The following HK1 variants were observed in gnomAD, a reference collection of about 807,000 sequenced individuals.
The protein encoded by HK1 is hexokinase 1, also known as hexokinase-1.
In HK1, 28 loss-of-function variants were observed where a neutral mutation model predicts 91.6. The observed-to-expected ratio is 0.31, with a 90% CI of 0.23 to 0.42. The LOEUF (loss-of-function observed/expected upper bound fraction) is 0.42, where lower values mean the gene tolerates loss of function less well. Ranked by LOEUF, HK1 falls within the 10% of genes least tolerant of loss-of-function variation. The pLI is 1.00. For missense variants in HK1, 770 were observed against 1,219.8 expected (o/e 0.63, Z 5.49); for synonymous variants, 430 against 468.1 (o/e 0.92, Z 1.05).
intron 2 of HK1, among the ~76,000 whole-genome samples, chr10:69,344,254 C>T (rs566348226): frequency 6.6e-6 from 1 of 152,310 alleles, no homozygotes; most frequent in South Asian, 2.1e-4. Flanking sequence ...GGCTGACCTG[C>T]TGTCATTGAC....
intron 7 of HK1, among the ~76,000 whole-genome samples, chr10:69,374,879 G>C (rs934986477): frequency 5.9e-5 from 9 of 152,222 alleles, no homozygotes; most frequent in Non-Finnish European, 1.2e-4. Context: ...TGCCCAACAG[G>C]GAAGGCTGCC....
In HK1 at chr10:69,318,932, G is replaced by C; in HGVS notation, c.-16G>C. 6.3e-7 allele frequency: 1 copy of C among 1,581,436 alleles called. No individual in the cohort carries two copies. The highest frequency in any genetic ancestry group is 1.1e-5 in the South Asian group (1 of 87,030). On this transcript the variant is annotated 5_prime_UTR_variant, in exon 1 of 18. Transcript: ENST00000359426. ...ACCGTCCCCACGCCTGCCGCCCCGCGACCCCGACCGCCAGCATGATCGCCG... is the reference window on the plus strand; with the variant it reads ...ACCGTCCCCACGCCTGCCGCCCCGCCACCCCGACCGCCAGCATGATCGCCG...
chr10:69,284,782 G>A (rs553250987), intron 2 of HK1, among the ~76,000 whole-genome samples: 62 of 152,206 alleles, frequency 4.1e-4, no homozygotes, highest in African/African-American at 1.4e-3. Flanking sequence ...GGGATTACAG[G>A]CACTCACCAC....
intron 1 of HK1, among the ~76,000 whole-genome samples, chr10:69,277,889 T>C (rs181838955): frequency 1.3e-5 from 2 of 151,986 alleles, no homozygotes; most frequent in Non-Finnish European, 2.9e-5. Flanking sequence ...AAAACTTAGC[T>C]GGGCGTGGTG....
chr10:69,362,439 T>TTG (rs1483897035), intron 3 of HK1, among the ~76,000 whole-genome samples: 3 of 138,460 alleles, frequency 2.2e-5, no homozygotes, highest in Non-Finnish European at 4.4e-5. Flanking sequence ...ATAATGTTTT[T>TTG]TTTTTTTTTT....
In HK1 at chr10:69,304,183, T is replaced by G. The variant is rs140883432; in HGVS notation, c.27+3322T>G. 1.2e-3 allele frequency among the ~76,000 whole-genome samples: 180 copies of G among 152,312 alleles called. 3 individuals are homozygous for G. The East Asian group carries it at 0.029, about 24-fold the overall frequency. The stretch of plus-strand genomic sequence containing the variant: ...CATAATTTCTAATCTTTTTGCTAAT[T>G]TGTTAGTCCTTCAAAGGCAGTCTGA... On this transcript the variant is annotated intron_variant, in intron 5 of 21. Coordinates refer to the HK1 transcript ENST00000360289.
chr10:69,274,628 G>T (rs1434799752), intron 1 of HK1, among the ~76,000 whole-genome samples: 1 of 151,046 alleles, frequency 6.6e-6, no homozygotes, highest in East Asian at 1.9e-4. Flanking sequence ...TTAGAGTCAT[G>T]CCTGTCTTGT....
At chr10:69,338,315 G>A (rs1848103330) in intron 1 of HK1, 3 of 1,183,414 alleles carry the variant, frequency 2.5e-6, no homozygotes, top group Admixed American at 3.6e-5. Flanking sequence ...TCAGGCAAGA[G>A]TCTGAGGGAC....
At chr10:69,307,108 C>T (rs1041591437) in intron 5 of HK1, among the ~76,000 whole-genome samples, 4 of 152,128 alleles carry the variant, frequency 2.6e-5, no homozygotes, top group Non-Finnish European at 5.9e-5. Flanking sequence ...ACTTGATTCT[C>T]ATAGGCAGCT....
intron 1 of HK1, among the ~76,000 whole-genome samples, chr10:69,337,453 T>C (rs1178175634): frequency 6.6e-6 from 1 of 152,232 alleles, no homozygotes; most frequent in Non-Finnish European, 1.5e-5. Flanking sequence ...ATCCACAAGC[T>C]CATTTCACTT....
At chr10:69,307,133 G>A (rs1445279510) in intron 5 of HK1, among the ~76,000 whole-genome samples, 2 of 152,108 alleles carry the variant, frequency 1.3e-5, no homozygotes, top group Admixed American at 6.5e-5. Flanking sequence ...ATATAATCAC[G>A]AACTTGGGAG....
At chr10:69,396,381 TA>T (rs1840140517) in intron 16 of HK1, among the ~76,000 whole-genome samples, 1 of 151,966 alleles carries the variant, frequency 6.6e-6, no homozygotes, top group Non-Finnish European at 1.5e-5. Context: ...TTTTTAAGTA[TA>T]CAGTTCGGTG....
intron 14 of HK1, among the ~76,000 whole-genome samples, chr10:69,390,283 G>A (rs549088598): frequency 3.4e-4 from 52 of 152,350 alleles, no homozygotes; most frequent in African/African-American, 1.2e-3. Context: ...TGCAAAGCTA[G>A]AGTGACACAG....
intron 1 of HK1, among the ~76,000 whole-genome samples, chr10:69,276,138 T>TATATATATATACACAC (rs753204633): frequency 1.3e-5 from 1 of 76,456 alleles, no homozygotes; most frequent in African/African-American, 4.1e-5. Flanking sequence ...TATATATATA[T>TATATATATATACACAC]ACACATATAT....
Position 69,392,300 on chromosome 10 carries a change from G to A in HK1, c.2211G>A (p.Gly737=). The change falls in exon 15 of 18, where the codon GGG becomes GGA. Residue 737 remains glycine (G), a synonymous_variant. Transcript: ENST00000359426. ...TGGACGAATATTCCCTAAATGCTGG[G>A]AAACAAAGGTAACCCCGCCTGGTGG... ...RLVDEYSLNA[G]KQRYEKMISG... 1 of 1,614,190 alleles carries A rather than the reference G, an allele frequency of 6.2e-7. No individual in the cohort carries two copies. Among genetic ancestry groups the A allele is most frequent in the Admixed American group, 1.7e-5 (1 of 60,030 alleles).
At chr10:69,277,998 A>T (rs1844553641) in intron 1 of HK1, among the ~76,000 whole-genome samples, 2 of 151,358 alleles carry the variant, frequency 1.3e-5, no homozygotes, top group South Asian at 4.2e-4. Context: ...GTGCCATTGC[A>T]CTCCAGCTTG....
intron 2 of HK1, 82 bp from the exon 3 acceptor site, chr10:69,359,815 C>A: frequency 7.4e-7 from 1 of 1,351,648 alleles, no homozygotes; most frequent in Non-Finnish European, 1.1e-6. Context: ...ACAGGGCCTA[C>A]GCCCTGCCAG....
At chr10:69,332,267 A>T (rs6480401) in intron 1 of HK1, among the ~76,000 whole-genome samples, 1 of 152,074 alleles carries the variant, frequency 6.6e-6, no homozygotes, top group Non-Finnish European at 1.5e-5. Context: ...TGTGTAAGCC[A>T]CAGTTTCCTC....
intron 1 of HK1, among the ~76,000 whole-genome samples, chr10:69,276,118 AATACATAT>A (rs1844448399): frequency 2.6e-5 from 1 of 38,262 alleles, no homozygotes; most frequent in Non-Finnish European, 5.1e-5. Context: ...AAAAAAAAAA[AATACATAT>A]ATATATATAT....
Sources: gnomAD v4.1 joint callset for allele counts (sites outside exome capture counted in the v4.1 genomes callset) on GRCh38, gnomAD v4.1.1 for gene constraint, MANE v1.5 for transcripts, NCBI Gene and HGNC (gene_info 2026-07-23, HGNC 2026-07-21) for gene names.